Variants in ATG10 observed in about 807,000 individuals in gnomAD.
ATG10 encodes the protein autophagy related 10, also known as ubiquitin-like-conjugating enzyme ATG10.
In ATG10, 30 loss-of-function variants were observed where a neutral mutation model predicts 32.1. The ratio of observed to expected loss-of-function variants is 0.94; its 90% CI spans 0.70 to 1.27. The LOEUF is 1.27. ATG10 is among the 50% of genes most tolerant of loss of function. ATG10 has a pLI of 0.00. For missense variants in ATG10, 233 were observed against 262.3 expected (o/e 0.89, Z 0.77); for synonymous variants, 87 against 91.5 (o/e 0.95, Z 0.28).
chr5:82,138,989 A>T (rs1766907427), intron 3 of ATG10, among the ~76,000 whole-genome samples: 1 of 150,500 alleles, frequency 6.6e-6, no homozygotes, highest in South Asian at 2.1e-4. Flanking sequence ...AATGCCTGCG[A>T]TCGCAGGCAC....
chr5:82,091,822 G>A (rs1241558534), intron 3 of ATG10, among the ~76,000 whole-genome samples: 1 of 152,114 alleles, frequency 6.6e-6, no homozygotes, highest in Non-Finnish European at 1.5e-5. Context: ...CTGACTTAAG[G>A]TCGTTTGGTT....
chr5:82,033,167 T>C (rs1190214311), intron 2 of ATG10, among the ~76,000 whole-genome samples: 1 of 152,208 alleles, frequency 6.6e-6, no homozygotes, highest in Non-Finnish European at 1.5e-5. Context: ...TTGATGGGCA[T>C]TTAATTTGCT....
chr5:82,051,667 T>C (rs921427395), intron 2 of ATG10, among the ~76,000 whole-genome samples: 4 of 152,124 alleles, frequency 2.6e-5, no homozygotes, highest in African/African-American at 7.2e-5. Context: ...ATCTGGAAGG[T>C]GTAACACTAT....
chr5:82,176,908 T>A (rs774498071), intron 4 of ATG10, among the ~76,000 whole-genome samples: 1 of 152,218 alleles, frequency 6.6e-6, no homozygotes, highest in Non-Finnish European at 1.5e-5. Context: ...ATTCTATTGC[T>A]ATTTATTGAA....
At chr5:82,188,651 A>G (rs1363111042) in intron 5 of ATG10, among the ~76,000 whole-genome samples, 2 of 152,126 alleles carry the variant, frequency 1.3e-5, no homozygotes, top group Non-Finnish European at 2.9e-5. Context: ...AGCTTGGAGC[A>G]GGTGGAGAAG....
chr5:82,110,844 A>G (rs548039134), intron 3 of ATG10, among the ~76,000 whole-genome samples: 53 of 152,108 alleles, frequency 3.5e-4, no homozygotes, highest in African/African-American at 1.3e-3. Flanking sequence ...TGTTATTTTA[A>G]ATAAAAAATA....
At chr5:82,200,690 T>C (rs182756790) in intron 5 of ATG10, among the ~76,000 whole-genome samples, 1 of 151,116 alleles carries the variant, frequency 6.6e-6, no homozygotes, top group Admixed American at 6.6e-5. Flanking sequence ...GATTCTTTTA[T>C]ATTCTTATTG....
intron 5 of ATG10, among the ~76,000 whole-genome samples, chr5:82,191,789 T>C (rs1042290814): frequency 6.6e-6 from 1 of 152,170 alleles, no homozygotes; most frequent in African/African-American, 2.4e-5. Flanking sequence ...CTGGACTCTT[T>C]CCCCAGACAC....
intron 3 of ATG10, among the ~76,000 whole-genome samples, chr5:82,112,765 A>G (rs977460372): frequency 1.1e-4 from 17 of 152,020 alleles, no homozygotes; most frequent in African/African-American, 4.1e-4. Context: ...TGATTTAAGT[A>G]GGGAAACTGA....
At chr5:82,241,062 G>GTTAAGTA (rs1330420528) in intron 5 of ATG10, among the ~76,000 whole-genome samples, 2 of 152,156 alleles carry the variant, frequency 1.3e-5, no homozygotes, top group Admixed American at 6.5e-5. Flanking sequence ...CCCAAAAGAT[G>GTTAAGTA]TTAAGTAGCT....
intron 5 of ATG10, among the ~76,000 whole-genome samples, chr5:82,234,024 G>A (rs1746463268): frequency 6.6e-6 from 1 of 152,142 alleles, no homozygotes; most frequent in African/African-American, 2.4e-5. Flanking sequence ...TGGGCTTCCA[G>A]GGGCACAGAT....
At chr5:82,014,754 G>A (rs1306519378) in intron 2 of ATG10, among the ~76,000 whole-genome samples, 3 of 152,184 alleles carry the variant, frequency 2.0e-5, no homozygotes, top group Non-Finnish European at 4.4e-5. Context: ...CCTGAATACA[G>A]CACACTGATG....
At chr5:82,220,163 G>C (rs919722122) in intron 5 of ATG10, among the ~76,000 whole-genome samples, 3 of 152,220 alleles carry the variant, frequency 2.0e-5, no homozygotes, top group African/African-American at 7.2e-5. Context: ...AGTGCGTGCA[G>C]GGTCACAAAG....
chr5:82,016,022 C>G (rs1762276614), intron 2 of ATG10, among the ~76,000 whole-genome samples: 1 of 152,162 alleles, frequency 6.6e-6, no homozygotes, highest in Non-Finnish European at 1.5e-5. Flanking sequence ...TGAAGATTTT[C>G]TCCCAGTCTG....
chr5:82,156,360 C>T (rs1016422224), intron 3 of ATG10, among the ~76,000 whole-genome samples: 4 of 152,158 alleles, frequency 2.6e-5, no homozygotes, highest in African/African-American at 9.7e-5. Context: ...AAGGTGAAGT[C>T]TTAAAACCCA....
intron 2 of ATG10, among the ~76,000 whole-genome samples, chr5:82,021,084 T>C (rs951046454): frequency 6.6e-6 from 1 of 152,238 alleles, no homozygotes; most frequent in East Asian, 1.9e-4. Context: ...GAAGTCATTT[T>C]TTTTAATAAC....
intron 2 of ATG10, among the ~76,000 whole-genome samples, chr5:82,012,385 A>G (rs1158666936): frequency 6.6e-6 from 1 of 152,162 alleles, no homozygotes. Flanking sequence ...AGCTCATTTG[A>G]GCATCTTTTC....
At position 82,162,875 on chromosome 5, in the gene ATG10, A is replaced by G. The variant is rs183239325; in HGVS notation, c.217-1524A>G. ...GGTGTGTGTGTGTCTATGTGTGTATATGTATTTGTGTGCCAAAAATCAAAA... is the reference window on the plus strand; with the variant it reads ...GGTGTGTGTGTGTCTATGTGTGTATGTGTATTTGTGTGCCAAAAATCAAAA... On this transcript the variant is annotated intron_variant, in intron 3 of 7. Coordinates refer to ENST00000282185, the MANE Select transcript of ATG10 (RefSeq NM_031482.5). 3.8e-3 allele frequency among the ~76,000 whole-genome samples: 584 copies of G among 152,082 alleles called. 9 individuals carry two copies. The highest frequency in any genetic ancestry group is 0.014 in the African/African-American group (562 of 41,496).
At chr5:82,030,954 A>G (rs931851473) in intron 2 of ATG10, among the ~76,000 whole-genome samples, 6 of 139,392 alleles carry the variant, frequency 4.3e-5, no homozygotes, top group Non-Finnish European at 6.2e-5. Flanking sequence ...TTTTTAAAAA[A>G]TTAAATCTTA....
Sources: allele counts gnomAD v4.1 joint callset (sites outside exome capture counted in the v4.1 genomes callset), GRCh38; gene constraint gnomAD v4.1.1; transcripts MANE v1.5; gene names NCBI Gene and HGNC (gene_info 2026-07-23, HGNC 2026-07-21).